ADCY5: variants seen among roughly 807,000 people sequenced by gnomAD.
ADCY5 encodes adenylate cyclase type 5.
In ADCY5, 30 loss-of-function variants were observed where a neutral mutation model predicts 119.7. That is an observed-to-expected ratio of 0.25 (90% CI 0.19 to 0.34). The LOEUF (loss-of-function observed/expected upper bound fraction) is 0.34, where lower values mean the gene tolerates loss of function less well. ADCY5 is among the 10% of genes least tolerant of loss of function. The probability of loss-of-function intolerance (pLI) is 1.00; values close to 1 mark genes in which losing one functional copy is unlikely to be tolerated. For synonymous variants in ADCY5, 753 were observed against 762.2 expected (o/e 0.99, Z 0.20); for missense variants, 1,324 against 1,775.2 (o/e 0.75, Z 4.57).
chr3:123,342,253 C>T lies in ADCY5; in HGVS notation c.1406+5529G>A, dbSNP rs918093872. Among the ~76,000 whole-genome samples the T allele has an allele frequency of 8.5e-5, 13 of 152,166 alleles. No individual in the cohort carries two copies. The East Asian group carries it at 1.5e-3, about 18-fold the overall frequency. On this transcript the variant is annotated intron_variant, in intron 3 of 20. Transcript: ENST00000462833. ...TCCGCCCACAGGTATCTGAGTATCT[C>T]GGACATTGTCGCGTGGTCATTATAA...
intron 12 of ADCY5, among the ~76,000 whole-genome samples, chr3:123,304,945 G>A (rs1940118925): frequency 6.6e-6 from 1 of 152,098 alleles, no homozygotes; most frequent in African/African-American, 2.4e-5. Context: ...CTGATGGACA[G>A]AGAAGCCAAG....
At chr3:123,407,244 C>T (rs1480405145) in intron 1 of ADCY5, among the ~76,000 whole-genome samples, 3 of 152,112 alleles carry the variant, frequency 2.0e-5, no homozygotes, top group Non-Finnish European at 2.9e-5. Flanking sequence ...GCCATGCCAT[C>T]GCCATCAGTG....
chr3:123,327,181 A>G (rs1237571671), intron 7 of ADCY5, among the ~76,000 whole-genome samples: 1 of 152,206 alleles, frequency 6.6e-6, no homozygotes, highest in African/African-American at 2.4e-5. Flanking sequence ...AGAAAGGGAA[A>G]GGGGAAAATA....
At chr3:123,325,559 AG>A in intron 7 of ADCY5, 97 bp from the exon 8 acceptor site, 1 of 1,498,960 alleles carries the variant, frequency 6.7e-7, no homozygotes, top group Non-Finnish European at 9.2e-7. Context: ...TAAGGGGCTA[AG>A]GCAGCTGCCC....
intron 1 of ADCY5, among the ~76,000 whole-genome samples, chr3:123,408,509 A>C (rs1944962399): frequency 6.6e-6 from 1 of 151,716 alleles, no homozygotes; most frequent in South Asian, 2.1e-4. Flanking sequence ...TACAAAAATT[A>C]GCTGGGCACA....
intron 1 of ADCY5, among the ~76,000 whole-genome samples, chr3:123,387,532 C>A (rs1944262151): frequency 6.6e-6 from 1 of 152,082 alleles, no homozygotes; most frequent in Non-Finnish European, 1.5e-5. Flanking sequence ...GTAACAACAA[C>A]AACAAAAAAT....
chr3:123,303,870 AG>A (rs1940019732), intron 13 of ADCY5, among the ~76,000 whole-genome samples, 196 bp downstream of exon 13: 2 of 139,128 alleles, frequency 1.4e-5, no homozygotes, highest in African/African-American at 6.3e-5. Flanking sequence ...AGAGAAGAGA[AG>A]AGAAGAGAAG....
At chr3:123,358,004 C>A (rs1432539958) in intron 1 of ADCY5, among the ~76,000 whole-genome samples, 1 of 152,210 alleles carries the variant, frequency 6.6e-6, no homozygotes, top group Non-Finnish European at 1.5e-5. Context: ...TAAGTATAAA[C>A]CCTGTCCTTG....
At position 123,359,329 on chromosome 3, in the gene ADCY5, AAAATATATAT is replaced by A. The variant is rs1461550301; in HGVS notation, c.1135-6758_1135-6749del. ...GCAATATTTGGGACCTACTTATACT[AAAATATATAT>A]ATATATATATATATATATATATATT... On this transcript the variant is annotated intron_variant, in intron 1 of 20. Transcript: ENST00000462833. Among the ~76,000 whole-genome samples the A allele has an allele frequency of 7.4e-3, 139 of 18,798 alleles. 1 individual carries two copies. The highest frequency in any genetic ancestry group is 0.011 in the Non-Finnish European group (110 of 9,594). 12.3% of individuals were successfully genotyped at this position (18,798 alleles called of 152,430 possible). A position where few individuals can be genotyped will look rare whatever the true frequency, so the allele number is the denominator to read the frequency against.
intron 1 of ADCY5, among the ~76,000 whole-genome samples, chr3:123,410,011 C>T (rs1161364714): frequency 6.6e-6 from 1 of 152,216 alleles, no homozygotes; most frequent in East Asian, 1.9e-4. Context: ...GGTCCTCCCA[C>T]ACCCACTTCC....
chr3:123,447,292 G>T, intron 1 of ADCY5, 120 bp downstream of exon 1: 4 of 1,172,160 alleles, frequency 3.4e-6, no homozygotes, highest in East Asian at 2.6e-5. Context: ...ACATGGCCGA[G>T]CCCTGTCTCT....
chr3:123,345,140 C>G (rs961100829), intron 3 of ADCY5, among the ~76,000 whole-genome samples: 1 of 152,174 alleles, frequency 6.6e-6, no homozygotes, highest in African/African-American at 2.4e-5. Flanking sequence ...GGGCAGTCAC[C>G]GTAGAAGAGG....
chr3:123,304,658 G>A (rs1030482284), intron 12 of ADCY5, among the ~76,000 whole-genome samples: 2 of 151,962 alleles, frequency 1.3e-5, no homozygotes, highest in African/African-American at 4.8e-5. Context: ...TCGGGAGGAG[G>A]GACTGACCAG....
chr3:123,323,510 G>C (rs979135004), intron 8 of ADCY5, among the ~76,000 whole-genome samples: 16 of 151,584 alleles, frequency 1.1e-4, no homozygotes, highest in Non-Finnish European at 2.4e-4. Flanking sequence ...CTCTTCCCTG[G>C]CCACCTCTCT....
At chr3:123,432,940 G>T (rs1398348937) in intron 1 of ADCY5, among the ~76,000 whole-genome samples, 2 of 152,176 alleles carry the variant, frequency 1.3e-5, no homozygotes, top group Non-Finnish European at 2.9e-5. Context: ...TCCTGCCAAA[G>T]TCAGAACTCC....
chr3:123,290,529 C>G (rs1329771355), intron 18 of ADCY5, among the ~76,000 whole-genome samples: 1 of 152,266 alleles, frequency 6.6e-6, no homozygotes, highest in African/African-American at 2.4e-5. Flanking sequence ...AGGGTCAAGA[C>G]TGCCCTACCG....
chr3:123,408,280 A>G (rs1434948774), intron 1 of ADCY5, among the ~76,000 whole-genome samples: 1 of 152,120 alleles, frequency 6.6e-6, no homozygotes, highest in Non-Finnish European at 1.5e-5. Context: ...ATGTAGGAAC[A>G]GCACACAAAA....
intron 10 of ADCY5, among the ~76,000 whole-genome samples, chr3:123,319,342 A>G (rs1285489115): frequency 7.0e-6 from 1 of 141,910 alleles, no homozygotes; most frequent in Non-Finnish European, 1.5e-5. Flanking sequence ...CAACAGAGTG[A>G]AACTCCGTCT....
intron 18 of ADCY5, 110 bp from the exon 19 acceptor site, chr3:123,290,064 C>G: frequency 1.9e-6 from 2 of 1,071,796 alleles, no homozygotes; most frequent in Non-Finnish European, 2.7e-6. Context: ...TTCATGTGTC[C>G]GCTCTTCACA....
Sources: gnomAD v4.1 joint callset for allele counts (sites outside exome capture counted in the v4.1 genomes callset) on GRCh38, gnomAD v4.1.1 for gene constraint, MANE v1.5 for transcripts, NCBI Gene and HGNC (gene_info 2026-07-23, HGNC 2026-07-21) for gene names.